RANBP2: variants seen among roughly 807,000 people sequenced by gnomAD.
RANBP2 encodes E3 SUMO-protein ligase RanBP2.
A neutral mutation model predicts 303.6 loss-of-function variants in RANBP2; 57 were observed. The observed-to-expected ratio is 0.19, with a 90% CI of 0.15 to 0.23. The LOEUF (loss-of-function observed/expected upper bound fraction) is 0.23, where lower values mean the gene tolerates loss of function less well. Among genes scored for constraint, RANBP2 ranks in the 10% least tolerant of loss-of-function variants. The probability of loss-of-function intolerance (pLI) is 1.00; values close to 1 mark genes in which losing one functional copy is unlikely to be tolerated. For missense variants in RANBP2, 3,138 were observed against 3,780.8 expected (o/e 0.83, Z 4.46); for synonymous variants, 1,167 against 1,301.5 (o/e 0.90, Z 2.23).
At chr2:109,026,540 T>C in the RANBP2 span, among the ~76,000 whole-genome samples, 2 of 152,174 alleles carry the variant, frequency 1.3e-5, no homozygotes, top group African/African-American at 4.8e-5. Flanking sequence ...AGGCTGGCTA[T>C]GCAGTCATGA....
At chr2:108,919,532 AT>A in the RANBP2 span, among the ~76,000 whole-genome samples, 1 of 151,924 alleles carries the variant, frequency 6.6e-6, no homozygotes, top group Non-Finnish European at 1.5e-5. Flanking sequence ...CTAATTTTGT[AT>A]TTTTAGTAGA....
the RANBP2 span, among the ~76,000 whole-genome samples, chr2:109,001,707 T>C: frequency 1.3e-5 from 2 of 152,178 alleles, no homozygotes; most frequent in Non-Finnish European, 2.9e-5. Context: ...TAATTTGCCA[T>C]TGAAGTTTTT....
At chr2:109,569,166 C>T in the RANBP2 span, among the ~76,000 whole-genome samples, 2 of 152,022 alleles carry the variant, frequency 1.3e-5, no homozygotes, top group Admixed American at 6.6e-5. Flanking sequence ...TGGTGGCTCA[C>T]GCCTGTAATC....
At chr2:109,275,757 G>C in the RANBP2 span, among the ~76,000 whole-genome samples, 4 of 152,172 alleles carry the variant, frequency 2.6e-5, no homozygotes, top group African/African-American at 9.7e-5. Context: ...AGCCGCACCT[G>C]CTTCCCTGTG....
the RANBP2 span, among the ~76,000 whole-genome samples, chr2:109,389,536 A>T: frequency 6.6e-6 from 1 of 152,178 alleles, no homozygotes; most frequent in South Asian, 2.1e-4. Context: ...GCCGGTCAGG[A>T]CCCAATCAAT....
chr2:108,812,715 T>TG, the RANBP2 span: 8 of 1,606,078 alleles, frequency 5.0e-6, no homozygotes, highest in Non-Finnish European at 6.8e-6. Context: ...ACAGGTAAGT[T>TG]GCCTGTTCTT....
At chr2:109,013,821 C>T in the RANBP2 span, among the ~76,000 whole-genome samples, 1 of 152,270 alleles carries the variant, frequency 6.6e-6, no homozygotes, top group African/African-American at 2.4e-5. Flanking sequence ...TCGTGATCTG[C>T]CCACCTCAGC....
At chr2:109,125,243 G>A in the RANBP2 span, among the ~76,000 whole-genome samples, 3 of 152,152 alleles carry the variant, frequency 2.0e-5, no homozygotes, top group African/African-American at 7.2e-5. Context: ...GAGTGTGGTG[G>A]GGGAGGGGCA....
the RANBP2 span, chr2:108,839,067 G>T: frequency 9.1e-7 from 1 of 1,093,710 alleles, no homozygotes; most frequent in Non-Finnish European, 1.3e-6. Context: ...GTTTTTTGTT[G>T]GAGAACTCTT....
chr2:109,045,765 G>A, the RANBP2 span, among the ~76,000 whole-genome samples: 1 of 152,050 alleles, frequency 6.6e-6, no homozygotes, highest in Non-Finnish European at 1.5e-5. Context: ...GAGGAAGAAG[G>A]AAGGGAGGAG....
the RANBP2 span, among the ~76,000 whole-genome samples, chr2:109,272,186 C>G: frequency 3.9e-5 from 6 of 152,210 alleles, no homozygotes; most frequent in African/African-American, 1.4e-4. Flanking sequence ...CAGAACCCCC[C>G]ACAGCCCTCT....
the RANBP2 span, among the ~76,000 whole-genome samples, chr2:109,160,982 G>A: frequency 6.6e-6 from 1 of 152,134 alleles, no homozygotes; most frequent in Non-Finnish European, 1.5e-5. Flanking sequence ...CAGAGAGGTG[G>A]GGGATCCCTG....
At chr2:108,966,833 G>C in the RANBP2 span, among the ~76,000 whole-genome samples, 1 of 152,240 alleles carries the variant, frequency 6.6e-6, no homozygotes, top group Non-Finnish European at 1.5e-5. Context: ...TGGCTAAACT[G>C]CTGAGTAGGA....
At chr2:109,060,982 G>A in the RANBP2 span, among the ~76,000 whole-genome samples, 1 of 152,020 alleles carries the variant, frequency 6.6e-6, no homozygotes, top group South Asian at 2.1e-4. Context: ...ATATTTTTAG[G>A]TTACAGGACA....
chr2:109,690,174 C>A, the RANBP2 span, among the ~76,000 whole-genome samples: 1 of 152,148 alleles, frequency 6.6e-6, no homozygotes, highest in Admixed American at 6.5e-5. Context: ...CACAGCCTCA[C>A]GAGGTCCTGC....
At chr2:109,560,316 G>GACCTC in the RANBP2 span, among the ~76,000 whole-genome samples, 1 of 152,058 alleles carries the variant, frequency 6.6e-6, no homozygotes, top group Admixed American at 6.6e-5. Context: ...CATAAACCTG[G>GACCTC]ACCTCAACTT....
the RANBP2 span, among the ~76,000 whole-genome samples, chr2:108,841,279 T>TCA: frequency 6.6e-6 from 1 of 152,222 alleles, no homozygotes; most frequent in African/African-American, 2.4e-5. Flanking sequence ...TTGATCCTGT[T>TCA]GGTTGATGGT....
At chr2:108,807,245 A>G in the RANBP2 span, among the ~76,000 whole-genome samples, 13 of 152,238 alleles carry the variant, frequency 8.5e-5, no homozygotes, top group Admixed American at 6.5e-4. Context: ...TAGATTGACA[A>G]CTTCATTAGA....
the RANBP2 span, among the ~76,000 whole-genome samples, chr2:108,818,232 G>T: frequency 6.6e-6 from 1 of 152,082 alleles, no homozygotes; most frequent in Non-Finnish European, 1.5e-5. Flanking sequence ...CCTGAACCTG[G>T]GGGGGTCGAG....
Sources: allele counts gnomAD v4.1 joint callset (sites outside exome capture counted in the v4.1 genomes callset), GRCh38; gene constraint gnomAD v4.1.1; transcripts MANE v1.5; gene names NCBI Gene and HGNC (gene_info 2026-07-23, HGNC 2026-07-21).